The following GNPTG variants were observed in gnomAD, a reference collection of about 807,000 sequenced individuals.
GNPTG encodes N-acetylglucosamine-1-phosphotransferase subunit gamma.
GNPTG carries 46 observed loss-of-function variants against 43.8 expected under a neutral mutation model. The ratio of observed to expected loss-of-function variants is 1.05; its 90% CI spans 0.83 to 1.34. The LOEUF (loss-of-function observed/expected upper bound fraction) is 1.34, where lower values mean the gene tolerates loss of function less well. Ranked by LOEUF, GNPTG falls within the 40% of genes most tolerant of loss-of-function variation. The probability of loss-of-function intolerance (pLI) is 0.00; values close to 1 mark genes in which losing one functional copy is unlikely to be tolerated. For missense variants in GNPTG, 549 were observed against 411.3 expected, an observed-to-expected ratio of 1.33 and a Z score of -2.90; for synonymous variants, 250 against 172.8, an observed-to-expected ratio of 1.45 and a Z score of -3.50.
chr16:1,352,299 C>G lies in GNPTG; in HGVS notation c.171C>G (p.Pro57=). 1 of 1,548,272 alleles carries G rather than the reference C, an allele frequency of 6.5e-7. No homozygotes were observed. Among genetic ancestry groups the G allele is most frequent in the Non-Finnish European group, 8.7e-7 (1 of 1,146,768 alleles). ...TCCAGGCCAAGAGGGATCCTTCACC[C>G]GTGTCTGGTGAGTGAGGAGCGCTGT... ...SRLQAKRDPS[P]VSGPVHLFRL... Residue 57 remains proline (P), a synonymous_variant, in exon 3 of 11, where the codon CCC becomes CCG. Transcript: ENST00000204679.
intron 9 of GNPTG, 37 bp from the exon 10 acceptor site, chr16:1,362,788 C>A: frequency 1.2e-6 from 2 of 1,614,068 alleles, no homozygotes; most frequent in Non-Finnish European, 1.7e-6. Flanking sequence ...CCCTCCAGCA[C>A]CTGGGCTTTC....
At chr16:1,355,549 G>A (rs918269029) in intron 3 of GNPTG, among the ~76,000 whole-genome samples, 4 of 152,174 alleles carry the variant, frequency 2.6e-5, no homozygotes, top group African/African-American at 7.2e-5. Flanking sequence ...TTGACAGCAG[G>A]AGGAGCAGAG....
chr16:1,361,989 C>T (rs1308402729), intron 5 of GNPTG, 34 bp downstream of exon 5: 2 of 1,613,128 alleles, frequency 1.2e-6, no homozygotes, highest in Non-Finnish European at 8.5e-7. Flanking sequence ...CCCAAAGCAG[C>T]AGCGCAGCTC....
rs185351458 is a variant in GNPTG at position 1,355,005 on chromosome 16, G to C, written c.178+2699G>C. 7.2e-5 allele frequency among the ~76,000 whole-genome samples: 11 copies of C among 152,118 alleles called. No homozygotes were observed. The East Asian group carries it at 1.5e-3, about 21-fold the overall frequency. On this transcript the variant is annotated intron_variant, in intron 3 of 10. Coordinates refer to ENST00000204679, the MANE Select transcript of GNPTG (RefSeq NM_032520.5). ...GGCCTGGATACTCCCCCGCATCTGC[G>C]GGGTGGGGCGTGGATCGTCTCCCGC...
In GNPTG at chr16:1,363,321, G is replaced by A. The variant is rs1205292619; in HGVS notation, c.*230G>A. ...TTTAAACAAGTGTTAACTTTAAACA[G>A]TTCGCTACAAGTAAATGATTATAAA... On this transcript the variant is annotated 3_prime_UTR_variant, in exon 11 of 11. Transcript: ENST00000204679. 1.8e-6 allele frequency: 1 copy of A among 544,426 alleles called. No individual in the cohort carries two copies. The highest frequency in any genetic ancestry group is 3.1e-5 in the Admixed American group (1 of 32,294). The allele number at this position is 544,426 out of a possible 1,614,324, so 33.7% of individuals were successfully genotyped here.
At position 1,363,096 on chromosome 16, in the gene GNPTG, G is replaced by C; in HGVS notation, c.*5G>C. The C allele has an allele frequency of 6.2e-7, 1 of 1,613,452 alleles. No individual in the cohort carries two copies. Among genetic ancestry groups the C allele is most frequent in the Non-Finnish European group, 8.5e-7 (1 of 1,179,790 alleles). ...GGACTGCGTGGGAGTTTGTGACCTT[G>C]TGGTGGGAGAGCAGAGGTGGACGCG... On this transcript the variant is annotated 3_prime_UTR_variant, in exon 11 of 11. Transcript: ENST00000204679.
intron 3 of GNPTG, chr16:1,358,390 C>T (rs1285149700): frequency 1.3e-5 from 2 of 152,092 alleles, no homozygotes; most frequent in Non-Finnish European, 2.9e-5. Context: ...TTGTGTCTGA[C>T]CAACTCCTCT....
intron 3 of GNPTG, among the ~76,000 whole-genome samples, chr16:1,356,872 T>C (rs1012798670): frequency 6.7e-5 from 9 of 133,488 alleles, no homozygotes; most frequent in African/African-American, 2.5e-4. Flanking sequence ...AGAGCGGGAA[T>C]CTGCGGGCGG....
rs1465106838 is a variant in GNPTG, at chr16:1,362,119, C to T, written c.399C>T (p.Ser133=). Reference sequence around the variant, plus strand: ...ACGGTGACGCCTGCCGTTCCCGGAGCCGGCAGAGCAAGGTGGGGCCTCAGA... The same window carrying T: ...ACGGTGACGCCTGCCGTTCCCGGAGTCGGCAGAGCAAGGTGGGGCCTCAGA... ...MRDGDACRSR[S]RQSKVELACG... The change falls in exon 6 of 11, where the codon AGC becomes AGT. Residue 133 remains serine (S), a synonymous_variant. Transcript: ENST00000204679. 1.9e-6 allele frequency: 3 copies of T among 1,612,290 alleles called. No homozygotes were observed. The African/African-American group carries it at 4.0e-5, about 22-fold the overall frequency.
intron 3 of GNPTG, among the ~76,000 whole-genome samples, chr16:1,354,194 G>C (rs1221593664): frequency 5.4e-4 from 1 of 1,858 alleles, no homozygotes; most frequent in Non-Finnish European, 9.9e-4. Flanking sequence ...GCAGGCCACT[G>C]TGTAACAGCG....
At position 1,351,954 on chromosome 16, in the gene GNPTG, C is replaced by T; in HGVS notation, c.-12C>T. 3 of 1,285,664 alleles carry T rather than the reference C, an allele frequency of 2.3e-6. No homozygotes were observed. The highest frequency in any genetic ancestry group is 2.9e-6 in the Non-Finnish European group (3 of 1,022,846). The allele number at this position is 1,285,664 out of a possible 1,614,324, so 79.6% of individuals were successfully genotyped here. On this transcript the variant is annotated 5_prime_UTR_variant, in exon 1 of 11. Coordinates refer to ENST00000204679, the MANE Select transcript of GNPTG (RefSeq NM_032520.5). Reference sequence around the variant, plus strand: ...TCACTTCACGTGACCGCGCGGCGGCCGCTGCGGCGCGATGGCGGCGGGGCT... The same window carrying T: ...TCACTTCACGTGACCGCGCGGCGGCTGCTGCGGCGCGATGGCGGCGGGGCT...
chr16:1,362,178 A>T, intron 6 of GNPTG, 28 bp from the exon 7 acceptor site: 1 of 1,613,230 alleles, frequency 6.2e-7, no homozygotes, highest in Non-Finnish European at 8.5e-7. Context: ...CAGTCTCCCC[A>T]ACCCACCTAC....
In GNPTG at chr16:1,363,700, T is replaced by C. The variant is rs998833896; in HGVS notation, c.*609T>C. On this transcript the variant is annotated 3_prime_UTR_variant, in exon 11 of 11. Coordinates refer to ENST00000204679, the MANE Select transcript of GNPTG (RefSeq NM_032520.5). ...CACCTAGGAGCCATCCCTGAGGCCA[T>C]GGCCACCAAGACAGGTGAGGGAGGC... is the stretch of plus-strand genomic sequence containing the variant. The C allele has an allele frequency of 5.9e-6, 1 of 168,718 alleles. No homozygotes were observed. The highest frequency in any genetic ancestry group is 1.3e-5 in the Non-Finnish European group (1 of 77,478). The allele number at this position is 168,718 out of a possible 1,614,324, so 10.5% of individuals were successfully genotyped here. A position where few individuals can be genotyped will look rare whatever the true frequency, so the allele number is the denominator to read the frequency against.
Position 1,361,590 on chromosome 16 carries a change from G to A in GNPTG, c.179-153G>A, listed in dbSNP as rs1053100270. On this transcript the variant is annotated intron_variant, in intron 3 of 10. Transcript: ENST00000204679. The stretch of plus-strand genomic sequence containing the variant: ...ACATGGGAGGCGGAGCTTGAAGTGA[G>A]CCAAGATCATGCCACTGCACTCCAG... 25 of 770,100 alleles carry A rather than the reference G, an allele frequency of 3.2e-5. No homozygotes were observed. The East Asian group carries it at 6.9e-4, about 21-fold the overall frequency. The allele number at this position is 770,100 out of a possible 1,614,324, so 47.7% of individuals were successfully genotyped here.
At position 1,363,341 on chromosome 16, in the gene GNPTG, T is replaced by G. The variant is rs1411212739; in HGVS notation, c.*250T>G. 4 of 498,908 alleles carry G rather than the reference T, an allele frequency of 8.0e-6. No homozygotes were observed. The highest frequency in any genetic ancestry group is 5.8e-5 in the African/African-American group (3 of 51,602). The allele number at this position is 498,908 out of a possible 1,614,324, so 30.9% of individuals were successfully genotyped here. A position where few individuals can be genotyped will look rare whatever the true frequency, so the allele number is the denominator to read the frequency against. On this transcript the variant is annotated 3_prime_UTR_variant, in exon 11 of 11. Coordinates refer to ENST00000204679, the MANE Select transcript of GNPTG (RefSeq NM_032520.5). ...AAACAGTTCGCTACAAGTAAATGAT[T>G]ATAAATACTACCTTCTGGGTTAAGA...
chr16:1,361,262 C>G (rs930443229), intron 3 of GNPTG: 2 of 187,708 alleles, frequency 1.1e-5, no homozygotes, highest in African/African-American at 4.8e-5. Flanking sequence ...TTTTGAAGGG[C>G]TATTTTTAGA....
At chr16:1,353,973 G>A (rs2034728683) in intron 3 of GNPTG, among the ~76,000 whole-genome samples, 1 of 152,200 alleles carries the variant, frequency 6.6e-6, no homozygotes, top group African/African-American at 2.4e-5. Flanking sequence ...CAGAGATAAA[G>A]GGGATCAGAT....
chr16:1,361,845 C>A, intron 4 of GNPTG, 27 bp from the exon 5 acceptor site: 1 of 1,613,670 alleles, frequency 6.2e-7, no homozygotes, highest in Non-Finnish European at 8.5e-7. Flanking sequence ...AGCCTGCGGA[C>A]CCCCCTCATG....
chr16:1,361,850 CT>C, intron 4 of GNPTG, 21 bp from the exon 5 acceptor site: 1 of 1,613,942 alleles, frequency 6.2e-7, no homozygotes, highest in Non-Finnish European at 8.5e-7. Flanking sequence ...GCGGACCCCC[CT>C]CATGCCATCT....
Sources: gnomAD v4.1 joint callset for allele counts (sites outside exome capture counted in the v4.1 genomes callset) on GRCh38, gnomAD v4.1.1 for gene constraint, MANE v1.5 for transcripts, NCBI Gene and HGNC (gene_info 2026-07-23, HGNC 2026-07-21) for gene names.